Variants in LDB2 observed in about 807,000 individuals in gnomAD.
LDB2 encodes LIM domain-binding protein 2.
A neutral mutation model predicts 44.3 loss-of-function variants in LDB2; 12 were observed. The ratio of observed to expected loss-of-function variants is 0.27; its 90% CI spans 0.17 to 0.44. The LOEUF is 0.44. Ranked by LOEUF, LDB2 falls within the 20% of genes least tolerant of loss-of-function variation. The probability of loss-of-function intolerance (pLI) is 1.00; values close to 1 mark genes in which losing one functional copy is unlikely to be tolerated. For missense variants in LDB2, 344 were observed against 473.5 expected (o/e 0.73, Z 2.54); for synonymous variants, 164 against 174.8 (o/e 0.94, Z 0.49).
At position 16,828,118 on chromosome 4, in the gene LDB2, G is replaced by A. The variant is rs537541434; in HGVS notation, c.133-68858C>T. ...GCTCTCCTCGCTCTCCAATCCTCTC[G>A]TTCTAGAAGCTCCACCTCAGTTCTT... On this transcript the variant is annotated intron_variant, in intron 1 of 7. Transcript: ENST00000304523. 3.9e-5 allele frequency among the ~76,000 whole-genome samples: 6 copies of A among 151,918 alleles called. No individual in the cohort carries two copies. The East Asian group carries it at 5.8e-4, about 15-fold the overall frequency.
At chr4:16,561,624 C>G (rs371430662) in intron 5 of LDB2, among the ~76,000 whole-genome samples, 1,990 of 152,130 alleles carry the variant, frequency 0.013, 44 homozygotes, top group African/African-American at 0.046. Flanking sequence ...AATCAATATC[C>G]TGAAAATGGC....
At chr4:16,648,583 T>C (rs1350177565) in intron 2 of LDB2, among the ~76,000 whole-genome samples, 1 of 152,240 alleles carries the variant, frequency 6.6e-6, no homozygotes, top group Admixed American at 6.5e-5. Context: ...AAAGATACTC[T>C]GGAGTTTGGC....
intron 1 of LDB2, among the ~76,000 whole-genome samples, chr4:16,801,358 T>G (rs922014307): frequency 6.6e-6 from 1 of 152,174 alleles, no homozygotes; most frequent in African/African-American, 2.4e-5. Flanking sequence ...ACTTATGCAT[T>G]TCCACCTCCA....
intron 5 of LDB2, among the ~76,000 whole-genome samples, chr4:16,563,923 G>A (rs544156666): frequency 1.3e-5 from 2 of 152,136 alleles, no homozygotes; most frequent in Non-Finnish European, 1.5e-5. Flanking sequence ...CTCCACAGAA[G>A]CCCTGACATC....
At chr4:16,745,718 A>G (rs1283657808) in intron 2 of LDB2, among the ~76,000 whole-genome samples, 1 of 152,218 alleles carries the variant, frequency 6.6e-6, no homozygotes, top group Admixed American at 6.5e-5. Flanking sequence ...CTTAACTACA[A>G]TAAGAAAAAC....
chr4:16,838,112 G>C (rs868241336), intron 1 of LDB2, among the ~76,000 whole-genome samples: 3 of 152,180 alleles, frequency 2.0e-5, no homozygotes, highest in African/African-American at 7.2e-5. Flanking sequence ...AGCCCTGTTT[G>C]TATGAACAGC....
chr4:16,639,960 G>A (rs1025961278), intron 2 of LDB2, among the ~76,000 whole-genome samples: 2 of 152,218 alleles, frequency 1.3e-5, no homozygotes, highest in African/African-American at 4.8e-5. Flanking sequence ...TTGTCCATCT[G>A]TTTCCAAACA....
intron 1 of LDB2, among the ~76,000 whole-genome samples, chr4:16,849,927 A>C (rs912489305): frequency 1.3e-5 from 2 of 152,192 alleles, no homozygotes; most frequent in African/African-American, 4.8e-5. Context: ...TGAGTGATTT[A>C]AAAACAAAAC....
In LDB2 at chr4:16,883,035, T is replaced by C. The variant is rs558348454; in HGVS notation, c.132+15319A>G. Among the ~76,000 whole-genome samples the C allele has an allele frequency of 3.0e-4, 45 of 152,282 alleles. 1 individual carries two copies. The highest frequency in any genetic ancestry group is 3.4e-3 in the Middle Eastern group (1 of 294). Reference sequence around the variant, plus strand: ...TATGAGGACGGAAAAAAAACAACCATCGAGCCTTCCTTTATGTGCGGGTTT... The same window carrying C: ...TATGAGGACGGAAAAAAAACAACCACCGAGCCTTCCTTTATGTGCGGGTTT... On this transcript the variant is annotated intron_variant, in intron 1 of 7. Transcript: ENST00000304523.
At chr4:16,824,855 T>C (rs564478058) in intron 1 of LDB2, among the ~76,000 whole-genome samples, 5 of 152,278 alleles carry the variant, frequency 3.3e-5, no homozygotes, top group Admixed American at 3.3e-4. Context: ...TTGCTGGGGA[T>C]AGGAAAGTGA....
intron 2 of LDB2, among the ~76,000 whole-genome samples, chr4:16,737,019 A>G (rs945078873): frequency 1.3e-4 from 20 of 152,168 alleles, no homozygotes; most frequent in Admixed American, 9.8e-4. Context: ...TATTTTGTAT[A>G]AGTAAGTAAA....
At chr4:16,864,335 A>G (rs1300164246) in intron 1 of LDB2, among the ~76,000 whole-genome samples, 1 of 152,232 alleles carries the variant, frequency 6.6e-6, no homozygotes, top group East Asian at 1.9e-4. Context: ...AGAGTGATTC[A>G]TCACATCAAA....
intron 1 of LDB2, among the ~76,000 whole-genome samples, chr4:16,810,830 T>TA (rs1399969677): frequency 2.0e-5 from 3 of 152,202 alleles, no homozygotes; most frequent in Non-Finnish European, 4.4e-5. Context: ...ATTAAGAGTG[T>TA]AACCTCTCAG....
At chr4:16,542,602 T>TAA (rs1434853466) in intron 5 of LDB2, among the ~76,000 whole-genome samples, 1 of 152,114 alleles carries the variant, frequency 6.6e-6, no homozygotes, top group African/African-American at 2.4e-5. Flanking sequence ...ACATTCCAAG[T>TAA]AAGTGCAAAA....
chr4:16,610,029 T>C (rs1413904430), intron 2 of LDB2, among the ~76,000 whole-genome samples: 3 of 152,002 alleles, frequency 2.0e-5, no homozygotes, highest in Admixed American at 6.6e-5. Context: ...TCCAGCCTCC[T>C]TGAGTGACAT....
intron 2 of LDB2, among the ~76,000 whole-genome samples, chr4:16,734,503 C>T (rs1205223991): frequency 6.6e-6 from 1 of 152,064 alleles, no homozygotes; most frequent in Non-Finnish European, 1.5e-5. Context: ...AAAGGTTCTC[C>T]AACAAACATA....
chr4:16,591,648 G>C lies in LDB2; in HGVS notation c.409-2816C>G, dbSNP rs556066009. Among the ~76,000 whole-genome samples, 17 of 152,178 alleles carry C rather than the reference G, an allele frequency of 1.1e-4. No individual in the cohort carries two copies. In the East Asian group the frequency reaches 3.3e-3, roughly 29 times the overall value. ...ACAGCCACTCCACACCCTGTACCCAGCATAGAAATTAAAGGAAACCAAAGG... is the reference window on the plus strand; with the variant it reads ...ACAGCCACTCCACACCCTGTACCCACCATAGAAATTAAAGGAAACCAAAGG... On this transcript the variant is annotated intron_variant, in intron 3 of 7. Coordinates refer to ENST00000304523, the MANE Select transcript of LDB2 (RefSeq NM_001290.5).
In LDB2 at chr4:16,881,967, A is replaced by G. The variant is rs1278659038; in HGVS notation, c.132+16387T>C. On this transcript the variant is annotated intron_variant, in intron 1 of 7. Transcript: ENST00000304523. Reference sequence around the variant, plus strand: ...TGTTAAGAAGTTAACAGTGCCTTCAATTAAACATAGGAATATGTGGGTCAA... The same window carrying G: ...TGTTAAGAAGTTAACAGTGCCTTCAGTTAAACATAGGAATATGTGGGTCAA... Among the ~76,000 whole-genome samples the G allele has an allele frequency of 3.9e-5, 6 of 152,326 alleles. No individual in the cohort carries two copies. In the South Asian group the frequency reaches 1.0e-3, roughly 26 times the overall value.
In LDB2 at chr4:16,621,039, C is replaced by T. The variant is rs140293429; in HGVS notation, c.236-25164G>A. Among the ~76,000 whole-genome samples the T allele has an allele frequency of 1.0e-3, 157 of 152,302 alleles. 2 individuals carry two copies. The East Asian group carries it at 0.018, about 18-fold the overall frequency. ...AAATGAACATCAACCCAATTCAACT[C>T]CACAAACTCTTTTCACACATCTACT... On this transcript the variant is annotated intron_variant, in intron 2 of 7. Transcript: ENST00000304523.
Sources: gnomAD v4.1 joint callset for allele counts (sites outside exome capture counted in the v4.1 genomes callset) on GRCh38, gnomAD v4.1.1 for gene constraint, MANE v1.5 for transcripts, NCBI Gene and HGNC (gene_info 2026-07-23, HGNC 2026-07-21) for gene names.